The following MUSK variants were observed in gnomAD, a reference collection of about 807,000 sequenced individuals.
MUSK encodes the protein muscle, skeletal receptor tyrosine-protein kinase.
Under a neutral mutation model 88.7 loss-of-function variants are expected in MUSK, and 55 were observed. The observed-to-expected ratio is 0.62, with a 90% CI of 0.50 to 0.78. The LOEUF (loss-of-function observed/expected upper bound fraction) is 0.78, where lower values mean the gene tolerates loss of function less well. MUSK is among the 30% of genes least tolerant of loss of function. The probability of loss-of-function intolerance (pLI) is 0.00; values close to 1 mark genes in which losing one functional copy is unlikely to be tolerated. For missense variants in MUSK, 1,015 were observed against 1,074.3 expected (o/e 0.94, Z 0.77); for synonymous variants, 387 against 391.9 (o/e 0.99, Z 0.15).
intron 3 of MUSK, among the ~76,000 whole-genome samples, chr9:110,690,112 AAT>A (rs1416638703): frequency 2.0e-5 from 2 of 97,882 alleles, no homozygotes; most frequent in African/African-American, 4.1e-5. Context: ...TAAATATAGA[AAT>A]ATATATTATA....
intron 7 of MUSK, among the ~76,000 whole-genome samples, chr9:110,750,386 T>C (rs2077232951): frequency 6.6e-6 from 1 of 152,146 alleles, no homozygotes; most frequent in Non-Finnish European, 1.5e-5. Flanking sequence ...TAGTGAAGTC[T>C]GCAGCTGAAC....
At chr9:110,741,577 A>G (rs548266474) in intron 6 of MUSK, among the ~76,000 whole-genome samples, 2 of 152,250 alleles carry the variant, frequency 1.3e-5, no homozygotes, top group South Asian at 2.1e-4. Flanking sequence ...ATAACAAAGA[A>G]TGTCTTATGG....
chr9:110,761,989 T>C, intron 7 of MUSK: 1 of 926,088 alleles, frequency 1.1e-6, no homozygotes, highest in Non-Finnish European at 1.3e-6. Flanking sequence ...AAGAACCTGC[T>C]TCCTAAAGAT....
At chr9:110,787,145 G>A (rs1255966126) in intron 13 of MUSK, among the ~76,000 whole-genome samples, 6 of 152,064 alleles carry the variant, frequency 3.9e-5, no homozygotes, top group East Asian at 1.9e-4. Context: ...GTCATATCAC[G>A]AGGTCAGGAG....
intron 5 of MUSK, among the ~76,000 whole-genome samples, chr9:110,721,263 T>A (rs535419444): frequency 3.6e-4 from 55 of 152,088 alleles, no homozygotes; most frequent in Non-Finnish European, 6.8e-4. Context: ...GAGAAAGAAA[T>A]AAAGGGCATC....
intron 1 of MUSK, among the ~76,000 whole-genome samples, chr9:110,671,962 G>A (rs968164275): frequency 6.6e-6 from 1 of 152,128 alleles, no homozygotes; most frequent in African/African-American, 2.4e-5. Flanking sequence ...AGATAGATTT[G>A]AATAACCTCC....
chr9:110,751,841 A>G (rs1366309383), intron 7 of MUSK, among the ~76,000 whole-genome samples: 3 of 152,188 alleles, frequency 2.0e-5, no homozygotes, highest in Non-Finnish European at 4.4e-5. Flanking sequence ...AAATCTGACC[A>G]TATACAGAAT....
At chr9:110,692,758 TG>T (rs2076375014) in intron 3 of MUSK, among the ~76,000 whole-genome samples, 1 of 152,154 alleles carries the variant, frequency 6.6e-6, no homozygotes, top group Non-Finnish European at 1.5e-5. Flanking sequence ...CTCACTTGTA[TG>T]ATACAATATT....
chr9:110,747,539 A>T (rs1482210141), intron 6 of MUSK, 102 bp from the exon 7 acceptor site: 9 of 1,221,048 alleles, frequency 7.4e-6, no homozygotes, highest in Non-Finnish European at 1.0e-5. Flanking sequence ...AGTGTACCAC[A>T]TGCACTTGAT....
intron 9 of MUSK, 146 bp from the exon 10 acceptor site, chr9:110,775,642 C>T (rs1304925124): frequency 4.3e-6 from 3 of 699,298 alleles, no homozygotes; most frequent in Non-Finnish European, 7.7e-6. Flanking sequence ...ATATTATTTA[C>T]AGTAAAAAGT....
At chr9:110,712,021 G>C (rs951430153) in intron 5 of MUSK, among the ~76,000 whole-genome samples, 4 of 152,084 alleles carry the variant, frequency 2.6e-5, no homozygotes, top group African/African-American at 9.7e-5. Flanking sequence ...ACCCAATCTG[G>C]CTCTGTTTGC....
At chr9:110,736,065 T>C (rs999016197) in intron 6 of MUSK, among the ~76,000 whole-genome samples, 1 of 152,118 alleles carries the variant, frequency 6.6e-6, no homozygotes, top group African/African-American at 2.4e-5. Context: ...AGGACAACTA[T>C]ACATAGTTCA....
Position 110,800,587 on chromosome 9 carries a change from A to G in MUSK, c.2209A>G (p.Met737Val), listed in dbSNP as rs1348939791. 2 of 1,496,292 alleles carry G rather than the reference A, an allele frequency of 1.3e-6. No homozygotes were observed. The highest frequency in any genetic ancestry group is 1.8e-6 in the Non-Finnish European group (2 of 1,106,874). The allele number at this position is 1,496,292 out of a possible 1,614,324, so 92.7% of individuals were successfully genotyped here. The change falls in exon 15 of 15, where the codon ATG (methionine) becomes GTG (valine). Residue 737 changes from methionine (M) to valine (V), a missense_variant. Coordinates refer to ENST00000374448, the MANE Select transcript of MUSK (RefSeq NM_005592.4). ...CAGGAACTGCCTGGTGGGCGAGAACATGGTGGTGAAAATTGCCGACTTTGG... is the reference window on the plus strand; with the variant it reads ...CAGGAACTGCCTGGTGGGCGAGAACGTGGTGGTGAAAATTGCCGACTTTGG... ...ATRNCLVGEN[M>V]VVKIADFGLS... is the part of the protein sequence containing the mutation.
intron 6 of MUSK, among the ~76,000 whole-genome samples, chr9:110,735,076 T>C (rs1009757145): frequency 1.3e-5 from 2 of 152,028 alleles, no homozygotes; most frequent in African/African-American, 4.8e-5. Context: ...AGTTCAACCT[T>C]AGGAGAAATC....
At chr9:110,672,843 G>T (rs2075977583) in intron 1 of MUSK, among the ~76,000 whole-genome samples, 1 of 152,098 alleles carries the variant, frequency 6.6e-6, no homozygotes, top group Non-Finnish European at 1.5e-5. Context: ...ATATGCGAGA[G>T]CCCATAAAAT....
intron 1 of MUSK, among the ~76,000 whole-genome samples, chr9:110,675,215 CTTTTTTTTTTTTT>C (rs386415865): frequency 2.3e-5 from 2 of 88,346 alleles, no homozygotes; most frequent in Non-Finnish European, 4.3e-5. Context: ...CACATTGCCT[CTTTTTTTTTTTTT>C]TTTTTTTTTT....
At chr9:110,707,561 A>G (rs2076615272) in intron 5 of MUSK, among the ~76,000 whole-genome samples, 1 of 152,176 alleles carries the variant, frequency 6.6e-6, no homozygotes, top group Non-Finnish European at 1.5e-5. Flanking sequence ...TGTTAATTGC[A>G]TTTTCTATTA....
intron 1 of MUSK, among the ~76,000 whole-genome samples, chr9:110,677,129 A>G (rs1427100083): frequency 6.6e-6 from 1 of 152,006 alleles, no homozygotes; most frequent in African/African-American, 2.4e-5. Flanking sequence ...TCTTTCTCCA[A>G]TGTCCTACAT....
chr9:110,738,772 G>A (rs950347555), intron 6 of MUSK, among the ~76,000 whole-genome samples: 5 of 152,096 alleles, frequency 3.3e-5, no homozygotes, highest in African/African-American at 1.2e-4. Context: ...TACCTTCTGT[G>A]CCTGCCAGAT....
Sources: allele counts gnomAD v4.1 joint callset (sites outside exome capture counted in the v4.1 genomes callset), GRCh38; gene constraint gnomAD v4.1.1; transcripts MANE v1.5; gene names NCBI Gene and HGNC (gene_info 2026-07-23, HGNC 2026-07-21).